Variants in RNGTT observed in about 807,000 individuals in gnomAD.
RNGTT encodes mRNA-capping enzyme.
RNGTT carries 33 observed loss-of-function variants against 79.3 expected under a neutral mutation model. The observed-to-expected ratio is 0.42, with a 90% CI of 0.32 to 0.56. RNGTT has a LOEUF of 0.56. Among genes scored for constraint, RNGTT ranks in the 20% least tolerant of loss-of-function variants. The pLI, the probability that RNGTT is intolerant of heterozygous loss-of-function variation, is 0.17. For missense variants in RNGTT, 497 were observed against 739.1 expected (o/e 0.67, Z 3.80); for synonymous variants, 222 against 235.9 (o/e 0.94, Z 0.54).
chr6:88,703,679 T>C (rs1003886543), intron 13 of RNGTT, among the ~76,000 whole-genome samples: 1 of 152,092 alleles, frequency 6.6e-6, no homozygotes, highest in Non-Finnish European at 1.5e-5. Flanking sequence ...ACATCCTGAA[T>C]CTAAAATAAA....
chr6:88,963,492 C>CG lies in RNGTT; in HGVS notation c.-84dup. ...CGCCTCCCCGTGGTCCGGTGCACAC[C>CG]GGGGTCCGAGACACCCGAATCGCAG... is the stretch of plus-strand genomic sequence containing the variant. On this transcript the variant is annotated 5_prime_UTR_variant, in exon 1 of 16. Transcript: ENST00000369485. The CG allele has an allele frequency of 1.5e-6, 2 of 1,363,744 alleles. No individual in the cohort carries two copies. The highest frequency in any genetic ancestry group is 2.0e-6 in the Non-Finnish European group (2 of 1,020,594). The allele number at this position is 1,363,744 out of a possible 1,614,324, so 84.5% of individuals were successfully genotyped here.
At chr6:88,703,926 G>A (rs1033743712) in intron 13 of RNGTT, among the ~76,000 whole-genome samples, 4 of 152,028 alleles carry the variant, frequency 2.6e-5, no homozygotes, top group African/African-American at 7.2e-5. Flanking sequence ...TTGTACATAG[G>A]CAAACTTGCA....
chr6:88,825,512 A>C (rs188785054), intron 11 of RNGTT, among the ~76,000 whole-genome samples: 1 of 152,370 alleles, frequency 6.6e-6, no homozygotes, highest in East Asian at 1.9e-4. Context: ...CTAATCAGAG[A>C]TACTAACTTG....
chr6:88,915,853 T>C (rs1011300626), intron 4 of RNGTT, among the ~76,000 whole-genome samples: 4 of 152,228 alleles, frequency 2.6e-5, no homozygotes, highest in Admixed American at 1.3e-4. Context: ...ATCTGGAATA[T>C]ATAAAGAACT....
chr6:88,759,132 G>A (rs1046064584), intron 13 of RNGTT, among the ~76,000 whole-genome samples: 5 of 152,168 alleles, frequency 3.3e-5, no homozygotes, highest in African/African-American at 1.2e-4. Context: ...TGGCAGTATG[G>A]ACTCATAGAT....
intron 11 of RNGTT, among the ~76,000 whole-genome samples, chr6:88,842,789 C>T (rs1373294075): frequency 1.3e-5 from 2 of 151,962 alleles, no homozygotes; most frequent in Admixed American, 1.3e-4. Context: ...ATGAACTTTT[C>T]AGCCAGGCAT....
chr6:88,951,496 C>A (rs913260897), intron 1 of RNGTT, among the ~76,000 whole-genome samples: 1 of 151,920 alleles, frequency 6.6e-6, no homozygotes, highest in East Asian at 1.9e-4. Flanking sequence ...CTTCATTGCT[C>A]TCTGATTTCA....
chr6:88,612,801 C>T lies in RNGTT; in HGVS notation c.1712G>A (p.Gly571Glu). ...GTCCAGATGATGTTTTCGCTTCTGT[C>T]CTTGAGAAGCTGCAGTACATCTGTC... Reference protein sequence around the residue: ...FIDRCTAASQGQKRKHHLDPD... With the variant: ...FIDRCTAASQEQKRKHHLDPD... Residue 571 changes from glycine to glutamate, a missense_variant, in exon 16 of 16, where the codon GGA becomes GAA. By Grantham distance (98) the Gly-to-Glu change is moderately conservative. Around this residue, in one of 3 missense-constraint regions of RNGTT, gnomAD observed 53 missense variants for 50.5 expected, o/e 1.05. Transcript: ENST00000369485. The T allele has an allele frequency of 1.2e-6, 2 of 1,613,610 alleles. No homozygotes were observed. The highest frequency in any genetic ancestry group is 1.3e-5 in the African/African-American group (1 of 75,002).
intron 11 of RNGTT, among the ~76,000 whole-genome samples, chr6:88,825,955 T>A (rs1295507090): frequency 6.6e-6 from 1 of 152,256 alleles, no homozygotes; most frequent in African/African-American, 2.4e-5. Flanking sequence ...CTTTCTAATC[T>A]ATTCAAATGC....
At chr6:88,807,102 G>T (rs796284720) in intron 11 of RNGTT, among the ~76,000 whole-genome samples, 4 of 152,310 alleles carry the variant, frequency 2.6e-5, no homozygotes, top group African/African-American at 9.6e-5. Flanking sequence ...GGGGCATGGG[G>T]AGAGGGAGAG....
At chr6:88,794,100 A>G (rs901189374) in intron 12 of RNGTT, among the ~76,000 whole-genome samples, 1 of 152,198 alleles carries the variant, frequency 6.6e-6, no homozygotes, top group Non-Finnish European at 1.5e-5. Flanking sequence ...CAGCCTCTAC[A>G]TTTTACAGAT....
At chr6:88,619,615 G>A (rs570700991) in intron 14 of RNGTT, among the ~76,000 whole-genome samples, 17 of 152,332 alleles carry the variant, frequency 1.1e-4, no homozygotes, top group African/African-American at 4.1e-4. Flanking sequence ...GAACGGGGGT[G>A]TGGAATGAAT....
intron 8 of RNGTT, among the ~76,000 whole-genome samples, chr6:88,879,267 G>A (rs571325201): frequency 2.6e-5 from 4 of 152,086 alleles, no homozygotes; most frequent in African/African-American, 4.8e-5. Context: ...GGTGGCATGC[G>A]CCTGTAGTCC....
At chr6:88,662,357 T>C (rs1276919202) in intron 14 of RNGTT, among the ~76,000 whole-genome samples, 1 of 152,218 alleles carries the variant, frequency 6.6e-6, no homozygotes, top group Admixed American at 6.5e-5. Flanking sequence ...TCTGTTCTGC[T>C]AGCCCCCATC....
At chr6:88,690,391 G>A (rs900691396) in intron 13 of RNGTT, among the ~76,000 whole-genome samples, 1 of 148,694 alleles carries the variant, frequency 6.7e-6, no homozygotes, top group Non-Finnish European at 1.5e-5. Flanking sequence ...TTTTCTGTAA[G>A]TCTAGAATTA....
intron 14 of RNGTT, among the ~76,000 whole-genome samples, chr6:88,662,138 G>A (rs137886963): frequency 2.5e-3 from 375 of 152,212 alleles, no homozygotes; most frequent in Middle Eastern, 6.8e-3. Context: ...AGGCAAAATC[G>A]GCATAGAGGA....
intron 14 of RNGTT, among the ~76,000 whole-genome samples, chr6:88,617,085 C>A (rs1772257534): frequency 6.6e-6 from 1 of 152,246 alleles, no homozygotes; most frequent in East Asian, 1.9e-4. Context: ...CTGGCTAACA[C>A]AGTGAAACCC....
intron 11 of RNGTT, among the ~76,000 whole-genome samples, chr6:88,822,288 A>G (rs1464787572): frequency 2.6e-5 from 4 of 152,236 alleles, no homozygotes; most frequent in Admixed American, 2.6e-4. Flanking sequence ...CACAATGCTA[A>G]AGTTACACAG....
chr6:88,728,530 A>G (rs991804745), intron 13 of RNGTT, among the ~76,000 whole-genome samples: 4 of 152,180 alleles, frequency 2.6e-5, no homozygotes, highest in Non-Finnish European at 5.9e-5. Flanking sequence ...CCATACATTC[A>G]TTTTACTAGA....
Sources: allele counts gnomAD v4.1 joint callset (sites outside exome capture counted in the v4.1 genomes callset), GRCh38; gene constraint gnomAD v4.1.1; regional missense constraint gnomAD v4.1.1; transcripts MANE v1.5; gene names NCBI Gene and HGNC (gene_info 2026-07-23, HGNC 2026-07-21).